The following DPP10 variants were observed in gnomAD, a reference collection of about 807,000 sequenced individuals.
DPP10 encodes the protein dipeptidyl peptidase like 10.
In DPP10, 33 loss-of-function variants were observed where a neutral mutation model predicts 120.9. The observed-to-expected ratio is 0.27, with a 90% CI of 0.21 to 0.37. DPP10 has a LOEUF of 0.37. Ranked by LOEUF, DPP10 falls within the 10% of genes least tolerant of loss-of-function variation. The probability of loss-of-function intolerance (pLI) is 1.00; values close to 1 mark genes in which losing one functional copy is unlikely to be tolerated. For synonymous variants in DPP10, 337 were observed against 326.1 expected (o/e 1.03, Z -0.36); for missense variants, 816 against 942.8 (o/e 0.87, Z 1.76).
At chr2:114,468,150 C>T (rs187581793) in intron 1 of DPP10, among the ~76,000 whole-genome samples, 38 of 152,182 alleles carry the variant, frequency 2.5e-4, no homozygotes, top group Non-Finnish European at 1.9e-4. Flanking sequence ...GTAAAGGTTG[C>T]TTTTCTCACT....
chr2:115,312,566 T>C (rs746726655), intron 2 of DPP10, among the ~76,000 whole-genome samples: 9 of 152,140 alleles, frequency 5.9e-5, no homozygotes, highest in Non-Finnish European at 1.3e-4. Flanking sequence ...ATCAAGGCCA[T>C]GTACACTCTT....
In DPP10 at chr2:115,117,875, C is replaced by A. The variant is rs150470911; in HGVS notation, c.61-191364C>A. On this transcript the variant is annotated intron_variant, in intron 1 of 25. Transcript: ENST00000410059. ...GGTCCTCTTCTATGTGTATTGATTG[C>A]CTCAGACACCTTCAGAGTAATCATA... is the stretch of plus-strand genomic sequence containing the variant. Among the ~76,000 whole-genome samples, 881 of 152,214 alleles carry A rather than the reference C, an allele frequency of 5.8e-3. 24 individuals are homozygous for A. The highest frequency in any genetic ancestry group is 0.037 in the Admixed American group (570 of 15,282).
At chr2:115,818,799 TC>T (rs1282330534) in intron 21 of DPP10, among the ~76,000 whole-genome samples, 1 of 152,164 alleles carries the variant, frequency 6.6e-6, no homozygotes, top group East Asian at 1.9e-4. Flanking sequence ...AAATTCTTTT[TC>T]CCCAAATCGT....
At chr2:114,533,634 A>C (rs1445970154) in intron 1 of DPP10, among the ~76,000 whole-genome samples, 1 of 152,212 alleles carries the variant, frequency 6.6e-6, no homozygotes, top group Non-Finnish European at 1.5e-5. Flanking sequence ...AAAATTAAAA[A>C]AAAAGAAATG....
At chr2:114,774,867 C>T (rs1374771488) in intron 1 of DPP10, among the ~76,000 whole-genome samples, 3 of 151,746 alleles carry the variant, frequency 2.0e-5, no homozygotes, top group Admixed American at 2.0e-4. Context: ...CAAAGCCTTT[C>T]AACTTTATCT....
Position 115,109,409 on chromosome 2 carries a change from G to A in DPP10, c.61-199830G>A, listed in dbSNP as rs544667482. On this transcript the variant is annotated intron_variant, in intron 1 of 25. Transcript: ENST00000410059. ...AAATTAGCTGGGCGTGGTGGCGGGC[G>A]CCTGTAGTCCCAGCTACTCTGGAGG... is the stretch of plus-strand genomic sequence containing the variant. Among the ~76,000 whole-genome samples, 14 of 152,136 alleles carry A rather than the reference G, an allele frequency of 9.2e-5. No homozygotes were observed. In the South Asian group the frequency reaches 1.5e-3, roughly 16 times the overall value.
At chr2:114,931,982 T>A (rs1696102754) in intron 1 of DPP10, among the ~76,000 whole-genome samples, 1 of 152,224 alleles carries the variant, frequency 6.6e-6, no homozygotes, top group Non-Finnish European at 1.5e-5. Flanking sequence ...GTTCGCTAAA[T>A]CTGACAACCT....
chr2:114,596,691 A>G (rs1224361980), intron 1 of DPP10, among the ~76,000 whole-genome samples: 1 of 151,976 alleles, frequency 6.6e-6, no homozygotes, highest in African/African-American at 2.4e-5. Context: ...TATCCTGCAT[A>G]GTATTGTTAC....
At chr2:114,979,981 C>T (rs971274612) in intron 1 of DPP10, among the ~76,000 whole-genome samples, 14 of 152,078 alleles carry the variant, frequency 9.2e-5, no homozygotes, top group African/African-American at 3.4e-4. Context: ...TATTCTAAGA[C>T]TTGTTTGGTT....
chr2:114,725,183 G>T (rs748152862), intron 1 of DPP10, among the ~76,000 whole-genome samples: 39 of 152,108 alleles, frequency 2.6e-4, no homozygotes, highest in Non-Finnish European at 4.1e-4. Context: ...CCTCACTTTG[G>T]CTAAAGTAAA....
chr2:115,518,638 C>T (rs924158403), intron 4 of DPP10, among the ~76,000 whole-genome samples: 7 of 151,692 alleles, frequency 4.6e-5, no homozygotes, highest in African/African-American at 1.5e-4. Context: ...TTAAAATATG[C>T]GTGTTTTAAA....
At chr2:114,513,249 A>G (rs374833416) in intron 1 of DPP10, among the ~76,000 whole-genome samples, 7 of 152,260 alleles carry the variant, frequency 4.6e-5, no homozygotes, top group South Asian at 4.2e-4. Flanking sequence ...ACAGCTGGGC[A>G]CGGTGGCTAA....
chr2:115,827,447 TGC>T (rs1688488617), intron 21 of DPP10, among the ~76,000 whole-genome samples: 2 of 126,842 alleles, frequency 1.6e-5, no homozygotes, highest in Non-Finnish European at 3.3e-5. Flanking sequence ...TATATATATA[TGC>T]TCTACAGTGG....
intron 1 of DPP10, among the ~76,000 whole-genome samples, chr2:114,962,076 C>G (rs112680410): frequency 6.6e-6 from 1 of 152,096 alleles, no homozygotes; most frequent in Non-Finnish European, 1.5e-5. Context: ...TGCTATTGCT[C>G]ACTATTATTT....
intron 5 of DPP10, among the ~76,000 whole-genome samples, chr2:115,561,393 A>G (rs1291831919): frequency 6.7e-6 from 1 of 149,090 alleles, no homozygotes; most frequent in Non-Finnish European, 1.5e-5. Context: ...AAGGAATCTC[A>G]AGGATTGAAA....
chr2:115,686,625 A>G (rs1395944189), intron 5 of DPP10, among the ~76,000 whole-genome samples: 5 of 152,020 alleles, frequency 3.3e-5, no homozygotes, highest in Non-Finnish European at 1.5e-5. Context: ...TATAGAGATG[A>G]TGGGTACCAG....
intron 1 of DPP10, among the ~76,000 whole-genome samples, chr2:114,558,478 C>T (rs930615839): frequency 1.3e-5 from 2 of 152,338 alleles, no homozygotes; most frequent in Non-Finnish European, 1.5e-5. Context: ...TAAATACCGT[C>T]CCCATAAGGA....
intron 2 of DPP10, among the ~76,000 whole-genome samples, chr2:115,309,718 A>G (rs1488354362): frequency 1.3e-5 from 2 of 152,112 alleles, no homozygotes; most frequent in East Asian, 3.9e-4. Flanking sequence ...CTATATATAG[A>G]TGATAACCCA....
intron 1 of DPP10, chr2:114,828,696 AG>A (rs1686782255): frequency 6.6e-6 from 1 of 152,240 alleles, no homozygotes; most frequent in African/African-American, 2.4e-5. Flanking sequence ...AAGAGTTAAA[AG>A]ACATAGAAGA....
Sources: gnomAD v4.1 joint callset for allele counts (sites outside exome capture counted in the v4.1 genomes callset) on GRCh38, gnomAD v4.1.1 for gene constraint, MANE v1.5 for transcripts, NCBI Gene and HGNC (gene_info 2026-07-23, HGNC 2026-07-21) for gene names.